The following HNF4G variants were observed in gnomAD, a reference collection of about 807,000 sequenced individuals.
The protein encoded by HNF4G is hepatocyte nuclear factor 4-gamma.
Under a neutral mutation model 50.9 loss-of-function variants are expected in HNF4G, and 21 were observed. That is an observed-to-expected ratio of 0.41 (90% CI 0.29 to 0.59). The LOEUF (loss-of-function observed/expected upper bound fraction) is 0.59. HNF4G is among the 20% of genes least tolerant of loss of function. The pLI, the probability that HNF4G is intolerant of heterozygous loss-of-function variation, is 0.26. For missense variants in HNF4G, 527 were observed against 559.4 expected (o/e 0.94, Z 0.58); for synonymous variants, 198 against 185.6 (o/e 1.07, Z -0.54).
At chr8:75,517,900 C>G (rs1254269997) in intron 2 of HNF4G, among the ~76,000 whole-genome samples, 4 of 152,130 alleles carry the variant, frequency 2.6e-5, no homozygotes, top group Non-Finnish European at 5.9e-5. Flanking sequence ...GAGGGTTCCT[C>G]CCAGGCACCA....
intron 2 of HNF4G, among the ~76,000 whole-genome samples, chr8:75,510,526 T>C (rs1585908503): frequency 6.6e-6 from 1 of 152,242 alleles, no homozygotes; most frequent in East Asian, 1.9e-4. Context: ...TTGACAAGAG[T>C]ACCAATGTTT....
intron 1 of HNF4G, among the ~76,000 whole-genome samples, chr8:75,432,291 T>TAA (rs201705373): frequency 6.9e-6 from 1 of 144,320 alleles, no homozygotes; most frequent in Non-Finnish European, 1.5e-5. Context: ...TGTATCAAAA[T>TAA]AAAAAAAAAA....
chr8:75,462,216 C>T (rs537841971), intron 1 of HNF4G, among the ~76,000 whole-genome samples: 1 of 152,254 alleles, frequency 6.6e-6, no homozygotes, highest in East Asian at 1.9e-4. Flanking sequence ...TGCGACAGGC[C>T]TAAAATATCT....
intron 1 of HNF4G, among the ~76,000 whole-genome samples, chr8:75,453,435 C>T (rs1217906931): frequency 6.6e-6 from 1 of 152,174 alleles, no homozygotes; most frequent in Admixed American, 6.5e-5. Context: ...GATCAGCACT[C>T]TGTTAAATGG....
chr8:75,506,394 C>T (rs970796812), intron 2 of HNF4G, among the ~76,000 whole-genome samples: 15 of 151,964 alleles, frequency 9.9e-5, no homozygotes, highest in Non-Finnish European at 2.9e-5. Context: ...CGTTCACTGG[C>T]TGTTTATCTT....
chr8:75,438,738 A>G lies in HNF4G; in HGVS notation c.-144+30576A>G, dbSNP rs547050237. ...AAAGTAAAAACAATATATATAAAAG[A>G]ATTACAACAGGACTCACACTCTCGT... is the stretch of plus-strand genomic sequence containing the variant. On this transcript the variant is annotated intron_variant, in intron 1 of 10. Coordinates refer to the HNF4G transcript ENST00000354370. Among the ~76,000 whole-genome samples, 65 of 152,254 alleles carry G rather than the reference A, an allele frequency of 4.3e-4. 1 individual carries two copies. Among genetic ancestry groups the G allele is most frequent in the African/African-American group, 1.4e-3 (60 of 41,562 alleles).
intron 1 of HNF4G, among the ~76,000 whole-genome samples, chr8:75,451,140 G>A (rs1437695066): frequency 6.6e-6 from 1 of 150,884 alleles, no homozygotes; most frequent in African/African-American, 2.4e-5. Flanking sequence ...CTTTTTTTTT[G>A]AGAAATGTCT....
Position 75,479,474 on chromosome 8 carries a change from A to G in HNF4G, c.-143-10615A>G, listed in dbSNP as rs187255199. Among the ~76,000 whole-genome samples, 656 of 152,300 alleles carry G rather than the reference A, an allele frequency of 4.3e-3. 3 individuals carry two copies. The highest frequency in any genetic ancestry group is 0.014 in the African/African-American group (588 of 41,566). ...GATTTGAACTGAGGAGACTGTCTTT[A>G]GAGCCATACACTTATTCAGGACAGT... On this transcript the variant is annotated intron_variant, in intron 1 of 10. Transcript: ENST00000354370.
At chr8:75,421,065 T>G (rs1218435935) in intron 1 of HNF4G, among the ~76,000 whole-genome samples, 2 of 152,230 alleles carry the variant, frequency 1.3e-5, no homozygotes, top group African/African-American at 4.8e-5. Context: ...GTCACTTTAA[T>G]AATCTATTTT....
At chr8:75,458,153 T>C (rs1178389723) in intron 1 of HNF4G, among the ~76,000 whole-genome samples, 2 of 152,014 alleles carry the variant, frequency 1.3e-5, no homozygotes, top group East Asian at 3.9e-4. Context: ...TAGGTTTAGA[T>C]ATGTACATTT....
At chr8:75,543,687 G>A (rs1806691974) in intron 1 of HNF4G, 124 bp from the exon 2 acceptor site, 2 of 692,688 alleles carry the variant, frequency 2.9e-6, no homozygotes, top group Admixed American at 3.3e-5. Flanking sequence ...TAAAAGGAAA[G>A]CACCAGTGTG....
At chr8:75,558,374 A>T (rs773433676) in intron 6 of HNF4G, 144 bp from the exon 7 acceptor site, 1 of 669,886 alleles carries the variant, frequency 1.5e-6, no homozygotes, top group Non-Finnish European at 2.4e-6. Context: ...ATAACTAACA[A>T]CACCACTGAG....
chr8:75,453,111 A>T (rs574808219), intron 1 of HNF4G, among the ~76,000 whole-genome samples: 8 of 152,126 alleles, frequency 5.3e-5, no homozygotes, highest in Admixed American at 1.3e-4. Flanking sequence ...CTGTAACCAG[A>T]CTCCTTGTTT....
chr8:75,518,276 G>A (rs989133271), intron 2 of HNF4G, among the ~76,000 whole-genome samples: 1 of 151,582 alleles, frequency 6.6e-6, no homozygotes, highest in African/African-American at 2.4e-5. Context: ...TGCTGAGAAT[G>A]ATGGTTTCCA....
intron 3 of HNF4G, 61 bp from the exon 4 acceptor site, chr8:75,551,327 T>A (rs1368295942): frequency 2.2e-6 from 2 of 925,538 alleles, no homozygotes; most frequent in Admixed American, 2.2e-5. Flanking sequence ...CTCCTTAAAA[T>A]CTATATTCTA....
chr8:75,544,650 GTT>G lies in HNF4G; in HGVS notation c.287+682_287+683del, dbSNP rs11320101. On this transcript the variant is annotated intron_variant, in intron 2 of 9. Coordinates refer to ENST00000396423, the MANE Select transcript of HNF4G (RefSeq NM_004133.5). ...CATTTCCAGTAGGCTGTTTTCTTGG[GTT>G]TTTTTTTTTTGATTAATACCTAGTC... is the stretch of plus-strand genomic sequence containing the variant. Among the ~76,000 whole-genome samples, 500 of 145,114 alleles carry G rather than the reference GTT, an allele frequency of 3.4e-3. 3 individuals are homozygous for G. The highest frequency in any genetic ancestry group is 9.0e-3 in the African/African-American group (357 of 39,862).
At chr8:75,513,207 T>C (rs2130730200) in intron 2 of HNF4G, among the ~76,000 whole-genome samples, 1 of 152,162 alleles carries the variant, frequency 6.6e-6, no homozygotes, top group South Asian at 2.1e-4. Context: ...CCAGCTAATT[T>C]TTGTATTTTT....
At position 75,565,849 on chromosome 8, in the gene HNF4G, A is replaced by G. The variant is rs1807448766; in HGVS notation, c.*1753A>G. ...AGCTATCTATGATTTAATAGATTTA[A>G]TAAAATTCCTTCACGACCTGGTACC... On this transcript the variant is annotated 3_prime_UTR_variant, in exon 10 of 10. Coordinates refer to ENST00000396423, the MANE Select transcript of HNF4G (RefSeq NM_004133.5). The G allele has an allele frequency of 6.6e-6, 1 of 152,212 alleles. No individual in the cohort carries two copies. The highest frequency in any genetic ancestry group is 1.9e-4 in the East Asian group (1 of 5,202). 9.4% of individuals were successfully genotyped at this position (152,212 alleles called of 1,614,324 possible).
At chr8:75,461,840 A>G (rs1811853505) in intron 1 of HNF4G, among the ~76,000 whole-genome samples, 1 of 149,788 alleles carries the variant, frequency 6.7e-6, no homozygotes, top group African/African-American at 2.5e-5. Context: ...ACAACAATAT[A>G]CTGTAATAGA....
Sources: gnomAD v4.1 joint callset for allele counts (sites outside exome capture counted in the v4.1 genomes callset) on GRCh38, gnomAD v4.1.1 for gene constraint, MANE v1.5 for transcripts, NCBI Gene and HGNC (gene_info 2026-07-23, HGNC 2026-07-21) for gene names.